DAB1: variants seen among roughly 807,000 people sequenced by gnomAD.
The protein encoded by DAB1 is disabled homolog 1.
In DAB1, 15 loss-of-function variants were observed where a neutral mutation model predicts 64.6. That is an observed-to-expected ratio of 0.23 (90% CI 0.16 to 0.36). The LOEUF (loss-of-function observed/expected upper bound fraction) is 0.36, where lower values mean the gene tolerates loss of function less well. DAB1 is among the 10% of genes least tolerant of loss of function. The probability of loss-of-function intolerance (pLI) is 1.00; values close to 1 mark genes in which losing one functional copy is unlikely to be tolerated. For missense variants in DAB1, 596 were observed against 706.7 expected (o/e 0.84, Z 1.78); for synonymous variants, 235 against 251.9 (o/e 0.93, Z 0.64).
At chr1:58,004,820 AG>A (rs1183019995) in intron 5 of DAB1, among the ~76,000 whole-genome samples, 1 of 152,204 alleles carries the variant, frequency 6.6e-6, no homozygotes, top group Non-Finnish European at 1.5e-5. Flanking sequence ...CACTCAACAC[AG>A]GACTCTTCAA....
At chr1:58,182,018 G>C (rs1656820252) in intron 4 of DAB1, among the ~76,000 whole-genome samples, 1 of 151,974 alleles carries the variant, frequency 6.6e-6, no homozygotes, top group South Asian at 2.1e-4. Context: ...CTGTTTATCT[G>C]AGAATATCTT....
At chr1:57,794,946 C>T (rs796254214) in intron 6 of DAB1, among the ~76,000 whole-genome samples, 3 of 152,178 alleles carry the variant, frequency 2.0e-5, no homozygotes, top group South Asian at 2.1e-4. Flanking sequence ...GGCCTAATAG[C>T]GGTCCTCATG....
At chr1:57,855,257 T>C (rs1653702582) in intron 1 of DAB1, among the ~76,000 whole-genome samples, 1 of 152,130 alleles carries the variant, frequency 6.6e-6, no homozygotes, top group Non-Finnish European at 1.5e-5. Flanking sequence ...CTTGGTGTTT[T>C]CCAAATATGA....
intron 2 of DAB1, among the ~76,000 whole-genome samples, chr1:57,253,160 C>T (rs762347575): frequency 2.7e-4 from 41 of 152,240 alleles, no homozygotes; most frequent in Middle Eastern, 6.8e-3. Flanking sequence ...GGGGCACATT[C>T]GGGTCAGGCC....
At chr1:57,137,866 A>G (rs551010176) in intron 3 of DAB1, among the ~76,000 whole-genome samples, 13 of 152,218 alleles carry the variant, frequency 8.5e-5, no homozygotes, top group African/African-American at 3.1e-4. Context: ...AGGATGTTTG[A>G]TTATCCTCAC....
chr1:58,443,693 T>C (rs1310968299), intron 3 of DAB1, among the ~76,000 whole-genome samples: 1 of 152,188 alleles, frequency 6.6e-6, no homozygotes. Context: ...CTAGATATTC[T>C]TAAAATTAAA....
chr1:57,942,799 C>T (rs1375896930), intron 5 of DAB1, among the ~76,000 whole-genome samples: 3 of 152,080 alleles, frequency 2.0e-5, no homozygotes, highest in African/African-American at 7.2e-5. Context: ...CCTGCCTGCT[C>T]ACTCTGGTTA....
intron 7 of DAB1, among the ~76,000 whole-genome samples, chr1:57,468,091 T>C (rs959777343): frequency 8.5e-5 from 13 of 152,230 alleles, no homozygotes; most frequent in Admixed American, 4.6e-4. Flanking sequence ...ATTTTCTTGA[T>C]TAATGTGTCA....
intron 3 of DAB1, among the ~76,000 whole-genome samples, chr1:58,388,853 T>C (rs932172497): frequency 1.3e-5 from 2 of 152,238 alleles, no homozygotes. Flanking sequence ...AAGTAACCTA[T>C]AGACCTGGAG....
At chr1:57,504,402 C>T (rs757928875) in intron 7 of DAB1, among the ~76,000 whole-genome samples, 7 of 151,978 alleles carry the variant, frequency 4.6e-5, no homozygotes, top group Admixed American at 6.6e-5. Context: ...CCCAATGATG[C>T]GGTATGTCAA....
chr1:57,248,709 C>T (rs567500889), intron 2 of DAB1, among the ~76,000 whole-genome samples: 1 of 152,270 alleles, frequency 6.6e-6, no homozygotes, highest in East Asian at 1.9e-4. Flanking sequence ...AATGCTATTC[C>T]TCAGAATAAT....
At chr1:57,406,751 C>T (rs1305725770) in intron 1 of DAB1, among the ~76,000 whole-genome samples, 2 of 152,186 alleles carry the variant, frequency 1.3e-5, no homozygotes, top group Non-Finnish European at 2.9e-5. Context: ...GAAATGCAGC[C>T]AACAGGATAG....
intron 2 of DAB1, among the ~76,000 whole-genome samples, chr1:57,227,008 T>C (rs745680767): frequency 1.4e-5 from 2 of 140,122 alleles, no homozygotes; most frequent in African/African-American, 6.3e-5. Flanking sequence ...TGAGACACCA[T>C]CTCTCAAAAA....
chr1:57,970,876 CA>C (rs1382237144), intron 5 of DAB1, among the ~76,000 whole-genome samples: 7 of 150,876 alleles, frequency 4.6e-5, no homozygotes, highest in African/African-American at 1.5e-4. Context: ...CTATGAGAGA[CA>C]AAAAAAAACT....
At chr1:57,110,639 T>A (rs1655570867) in intron 4 of DAB1, among the ~76,000 whole-genome samples, 1 of 152,212 alleles carries the variant, frequency 6.6e-6, no homozygotes, top group African/African-American at 2.4e-5. Context: ...GATACACAGT[T>A]CCTGCTCTCA....
At chr1:57,513,740 T>C (rs72676934) in intron 7 of DAB1, among the ~76,000 whole-genome samples, 26,251 of 152,220 alleles carry the variant, frequency 0.17, 2,782 homozygotes, top group Non-Finnish European at 0.24. Flanking sequence ...CAAGTGTATG[T>C]TGTTATTAAC....
At chr1:58,372,105 C>T (rs189970368) in intron 3 of DAB1, among the ~76,000 whole-genome samples, 3 of 152,304 alleles carry the variant, frequency 2.0e-5, no homozygotes, top group East Asian at 3.9e-4. Flanking sequence ...GATCCACTGA[C>T]AGCTTGCGCC....
chr1:58,279,334 G>C (rs1337098645), intron 4 of DAB1, among the ~76,000 whole-genome samples: 1 of 152,170 alleles, frequency 6.6e-6, no homozygotes, highest in African/African-American at 2.4e-5. Context: ...GTTATATGGA[G>C]ATTAATAAAC....
intron 1 of DAB1, among the ~76,000 whole-genome samples, chr1:57,853,149 G>A (rs1306694811): frequency 1.3e-5 from 2 of 152,086 alleles, no homozygotes; most frequent in African/African-American, 4.8e-5. Flanking sequence ...GGCAGGCCAT[G>A]AGGAAGAACT....
Sources: allele counts gnomAD v4.1 joint callset (sites outside exome capture counted in the v4.1 genomes callset), GRCh38; gene constraint gnomAD v4.1.1; transcripts MANE v1.5; gene names NCBI Gene and HGNC (gene_info 2026-07-23, HGNC 2026-07-21).